The following LOC128125822 variants were observed in gnomAD, a reference collection of about 807,000 sequenced individuals.
the LOC128125822 span, chr6:63,580,109 C>T: frequency 1.9e-6 from 3 of 1,612,642 alleles, no homozygotes; most frequent in African/African-American, 1.3e-5. Context: ...GGAGAAGTAT[C>T]GTCCTAAAAT....
the LOC128125822 span, among the ~76,000 whole-genome samples, chr6:63,574,058 T>C: frequency 6.6e-6 from 1 of 152,188 alleles, no homozygotes; most frequent in African/African-American, 2.4e-5. Flanking sequence ...ACACTACGAT[T>C]GGAACTGTTG....
chr6:63,576,972 A>G, the LOC128125822 span: 18 of 1,610,436 alleles, frequency 1.1e-5, no homozygotes, highest in Admixed American at 2.8e-4. Flanking sequence ...GCGACCTTAA[A>G]CAAATTTATA....
chr6:63,576,793 A>T, the LOC128125822 span: 2 of 1,030,514 alleles, frequency 1.9e-6, no homozygotes, highest in Non-Finnish European at 2.9e-6. Context: ...AGTATATTGA[A>T]GTAGACTTCA....
chr6:63,576,314 G>A, the LOC128125822 span: 4 of 388,362 alleles, frequency 1.0e-5, no homozygotes, highest in African/African-American at 4.1e-5. Flanking sequence ...AAAAGTCGAT[G>A]AAGCGGCTCA....
chr6:63,578,310 C>A, the LOC128125822 span: 1 of 1,168,050 alleles, frequency 8.6e-7, no homozygotes, highest in Non-Finnish European at 1.1e-6. Flanking sequence ...TAAATGGATT[C>A]TAGCATTCTT....
chr6:63,576,708 GCTT>G, the LOC128125822 span: 1 of 615,844 alleles, frequency 1.6e-6, no homozygotes. Context: ...AAGAATTGCT[GCTT>G]CTTGTTAGGA....
chr6:63,579,640 C>T, the LOC128125822 span, among the ~76,000 whole-genome samples: 3 of 152,156 alleles, frequency 2.0e-5, no homozygotes, highest in Non-Finnish European at 4.4e-5. Flanking sequence ...ATGCACAGGT[C>T]TCCAAAGGAG....
the LOC128125822 span, chr6:63,572,844 G>C: frequency 3.8e-5 from 15 of 394,696 alleles, no homozygotes; most frequent in African/African-American, 3.1e-4. Flanking sequence ...GTTCCGGTGG[G>C]TCCCGGGTGG....
At chr6:63,580,234 A>G in the LOC128125822 span, 3 of 1,314,734 alleles carry the variant, frequency 2.3e-6, no homozygotes, top group South Asian at 3.6e-5. Flanking sequence ...TTTGTTATAC[A>G]TATTAGCCAA....
the LOC128125822 span, chr6:63,578,432 T>C: frequency 6.2e-6 from 10 of 1,600,374 alleles, no homozygotes; most frequent in Middle Eastern, 1.7e-4. Context: ...GTACGTTTTA[T>C]CCAGGAACTT....
chr6:63,578,587 A>G, the LOC128125822 span: 1 of 1,559,190 alleles, frequency 6.4e-7, no homozygotes, highest in Non-Finnish European at 8.6e-7. Flanking sequence ...GTTTATTCAA[A>G]TAGTAAATTC....
the LOC128125822 span, chr6:63,576,825 A>T: frequency 7.2e-7 from 1 of 1,396,400 alleles, no homozygotes; most frequent in Non-Finnish European, 1.0e-6. Flanking sequence ...TCATTTCTGT[A>T]TTCAATTTTT....
At chr6:63,580,149 A>C in the LOC128125822 span, 1 of 1,612,568 alleles carries the variant, frequency 6.2e-7, no homozygotes, top group Non-Finnish European at 8.5e-7. Context: ...TCCAACGGTC[A>C]TAGAAACAAC....
chr6:63,580,756 A>T, the LOC128125822 span: 3 of 151,034 alleles, frequency 2.0e-5, no homozygotes, highest in Non-Finnish European at 4.4e-5. Context: ...CAAGTCTTAC[A>T]GTGATTATTT....
the LOC128125822 span, among the ~76,000 whole-genome samples, chr6:63,574,050 A>C: frequency 1.8e-3 from 281 of 152,228 alleles, 1 homozygote; most frequent in African/African-American, 6.5e-3. Context: ...AGTTATTTAC[A>C]CTACGATTGG....
At chr6:63,572,667 T>C in the LOC128125822 span, 18 of 410,112 alleles carry the variant, frequency 4.4e-5, no homozygotes, top group Non-Finnish European at 7.2e-5. Context: ...CGCCGCCGCC[T>C]CGGGACCGGC....
the LOC128125822 span, chr6:63,583,089 A>G: frequency 6.6e-6 from 1 of 152,208 alleles, no homozygotes; most frequent in Admixed American, 6.5e-5. Context: ...TTTGGTCACC[A>G]ATGAGTACCC....
chr6:63,573,827 G>T, the LOC128125822 span, among the ~76,000 whole-genome samples: 3 of 152,296 alleles, frequency 2.0e-5, no homozygotes, highest in East Asian at 5.8e-4. Flanking sequence ...AGGACTTCCC[G>T]TCCGGGCACC....
chr6:63,578,037 A>T, the LOC128125822 span, among the ~76,000 whole-genome samples: 2 of 152,080 alleles, frequency 1.3e-5, no homozygotes, highest in African/African-American at 4.8e-5. Context: ...GTGAAGTCAG[A>T]TTACCCGATT....
Sources: gnomAD v4.1 joint callset for allele counts (sites outside exome capture counted in the v4.1 genomes callset) on GRCh38, gnomAD v4.1.1 for gene constraint, MANE v1.5 for transcripts.